CPED1: variants seen among roughly 807,000 people sequenced by gnomAD.
CPED1 encodes cadherin like and PC-esterase domain containing 1, also known as cadherin-like and PC-esterase domain-containing protein 1.
In CPED1, 114 loss-of-function variants were observed where a neutral mutation model predicts 128.2. The observed-to-expected ratio is 0.89, with a 90% CI of 0.76 to 1.04. The LOEUF (loss-of-function observed/expected upper bound fraction) is 1.04. Among genes scored for constraint, CPED1 ranks in the 50% least tolerant of loss-of-function variants. The pLI is 0.00. For missense variants in CPED1, 1,211 were observed against 1,207.1 expected, an observed-to-expected ratio of 1.00 and a Z score of -0.05; for synonymous variants, 462 against 426.7, an observed-to-expected ratio of 1.08 and a Z score of -1.02.
chr7:121,013,093 C>T (rs1170200949), intron 2 of CPED1, among the ~76,000 whole-genome samples: 2 of 152,138 alleles, frequency 1.3e-5, no homozygotes, highest in Non-Finnish European at 2.9e-5. Context: ...GCTTGAGTGA[C>T]ACCGATATAT....
chr7:121,045,937 G>A (rs188382575), intron 3 of CPED1, among the ~76,000 whole-genome samples: 4 of 152,134 alleles, frequency 2.6e-5, no homozygotes, highest in Admixed American at 1.3e-4. Flanking sequence ...ATGAGGTAAT[G>A]TGTTTACCAT....
At chr7:121,066,262 A>C (rs1043102045) in intron 5 of CPED1, among the ~76,000 whole-genome samples, 8 of 152,102 alleles carry the variant, frequency 5.3e-5, no homozygotes, top group Non-Finnish European at 1.2e-4. Flanking sequence ...ACAAATTTTG[A>C]AACCAGTGAT....
chr7:121,125,901 G>A lies in CPED1; in HGVS notation c.1134+9G>A, dbSNP rs771399942. 62 of 1,575,546 alleles carry A rather than the reference G, an allele frequency of 3.9e-5. No homozygotes were observed. The highest frequency in any genetic ancestry group is 4.9e-5 in the Non-Finnish European group (56 of 1,145,256). Reference sequence around the variant, plus strand: ...ACCCTGTAGTGCTCCAGGTCAGTATGCCAAAGGCCTCATGTGAGCTTCTAC... The same window carrying A: ...ACCCTGTAGTGCTCCAGGTCAGTATACCAAAGGCCTCATGTGAGCTTCTAC... On this transcript the variant is annotated intron_variant, in intron 9 of 22. Coordinates refer to ENST00000310396, the MANE Select transcript of CPED1 (RefSeq NM_024913.5).
chr7:121,152,598 G>T (rs934039574), intron 16 of CPED1, among the ~76,000 whole-genome samples: 1 of 152,198 alleles, frequency 6.6e-6, no homozygotes, highest in Middle Eastern at 3.2e-3. Flanking sequence ...AGTTAATATT[G>T]TGAAGATCTT....
At chr7:121,027,008 T>A (rs573554242) in intron 3 of CPED1, among the ~76,000 whole-genome samples, 286 of 147,802 alleles carry the variant, frequency 1.9e-3, no homozygotes, top group African/African-American at 6.3e-3. Flanking sequence ...TTTTCTTATT[T>A]TTTTTTTTTT....
At position 121,199,231 on chromosome 7, in the gene CPED1, G is replaced by T. The variant is rs545814549; in HGVS notation, c.2056-37483G>T. 6.0e-4 allele frequency among the ~76,000 whole-genome samples: 91 copies of T among 152,176 alleles called. 1 individual carries two copies. The highest frequency in any genetic ancestry group is 2.1e-3 in the African/African-American group (86 of 41,540). On this transcript the variant is annotated intron_variant, in intron 16 of 22. Coordinates refer to ENST00000310396, the MANE Select transcript of CPED1 (RefSeq NM_024913.5). ...AGGCTGAAGTAGTGAATGGACAGTA[G>T]GGACAGTCCACACATGGGGTATAAT...
At chr7:121,070,295 C>G (rs1256231129) in intron 5 of CPED1, among the ~76,000 whole-genome samples, 1 of 151,692 alleles carries the variant, frequency 6.6e-6, no homozygotes, top group Non-Finnish European at 1.5e-5. Flanking sequence ...GTCTAATATT[C>G]TAAGCAAACT....
intron 12 of CPED1, 74 bp downstream of exon 12, chr7:121,130,368 C>A: frequency 1.5e-6 from 2 of 1,318,732 alleles, no homozygotes; most frequent in Non-Finnish European, 2.0e-6. Flanking sequence ...AAAGGCTTTG[C>A]CTATGTTAAA....
intron 3 of CPED1, among the ~76,000 whole-genome samples, chr7:121,029,226 A>C (rs931872924): frequency 8.1e-4 from 123 of 152,276 alleles, no homozygotes; most frequent in African/African-American, 2.8e-3. Flanking sequence ...TCTGAAATTA[A>C]AGTTATTGGA....
chr7:121,051,370 CTTTT>C (rs35482486), intron 4 of CPED1: 1 of 359,740 alleles, frequency 2.8e-6, no homozygotes, highest in Non-Finnish European at 5.2e-6. Context: ...ATGTAAATGC[CTTTT>C]TTTTTTTTAG....
At position 121,266,799 on chromosome 7, in the gene CPED1, T is replaced by C; in HGVS notation, c.2624T>C (p.Val875Ala). ...NSNHLQIIHK[V>A]LKRENLLNIL... Reference sequence around the variant, plus strand: ...AATCACCTGCAAATTATTCACAAAGTTTTGAAGAGGTAAATGTCTGCAACA... The same window carrying C: ...AATCACCTGCAAATTATTCACAAAGCTTTGAAGAGGTAAATGTCTGCAACA... The change falls in exon 20 of 23, where the codon GTT (valine) becomes GCT (alanine). Residue 875 changes from valine to alanine, a missense_variant. Transcript: ENST00000310396. 6.2e-7 allele frequency: 1 copy of C among 1,609,838 alleles called. No homozygotes were observed. The highest frequency in any genetic ancestry group is 1.3e-5 in the African/African-American group (1 of 74,888).
At chr7:121,180,155 A>G (rs1018833151) in intron 16 of CPED1, among the ~76,000 whole-genome samples, 1 of 152,020 alleles carries the variant, frequency 6.6e-6, no homozygotes, top group Non-Finnish European at 1.5e-5. Flanking sequence ...TTTCTTCCTG[A>G]CAAATTCCCA....
At chr7:121,192,085 A>T (rs1373312863) in intron 16 of CPED1, among the ~76,000 whole-genome samples, 1 of 152,132 alleles carries the variant, frequency 6.6e-6, no homozygotes, top group African/African-American at 2.4e-5. Flanking sequence ...AAATCTGTGA[A>T]GCTTTGCCAT....
chr7:121,170,907 G>A (rs1232508643), intron 16 of CPED1, among the ~76,000 whole-genome samples: 2 of 151,650 alleles, frequency 1.3e-5, no homozygotes, highest in South Asian at 2.1e-4. Context: ...AAAAATTAGC[G>A]GGTGTGGTGG....
chr7:121,069,248 G>T (rs1393467225), intron 5 of CPED1, among the ~76,000 whole-genome samples: 1 of 152,074 alleles, frequency 6.6e-6, no homozygotes, highest in Non-Finnish European at 1.5e-5. Flanking sequence ...TAACTCTGAG[G>T]CTTAGTTATC....
chr7:121,288,643 A>T (rs1461034020), intron 22 of CPED1, among the ~76,000 whole-genome samples: 2 of 152,226 alleles, frequency 1.3e-5, no homozygotes, highest in Non-Finnish European at 2.9e-5. Context: ...CTACACCAGC[A>T]TTATCCAATG....
At chr7:121,002,854 A>G (rs1402723896) in intron 2 of CPED1, among the ~76,000 whole-genome samples, 2 of 152,204 alleles carry the variant, frequency 1.3e-5, no homozygotes, top group Admixed American at 1.3e-4. Flanking sequence ...TGGGATATAA[A>G]TAGGAGTATG....
chr7:121,267,615 G>A (rs76272871), intron 21 of CPED1, among the ~76,000 whole-genome samples: 9,069 of 152,076 alleles, frequency 0.06, 376 homozygotes, highest in Non-Finnish European at 0.075. Context: ...AGTCTTTGAA[G>A]TAGTATCATT....
At chr7:121,259,286 C>T (rs1268804665) in intron 18 of CPED1, among the ~76,000 whole-genome samples, 2 of 151,996 alleles carry the variant, frequency 1.3e-5, no homozygotes, top group African/African-American at 4.8e-5. Context: ...CAGGATCATA[C>T]TTCATATACC....
Sources: gnomAD v4.1 joint callset for allele counts (sites outside exome capture counted in the v4.1 genomes callset) on GRCh38, gnomAD v4.1.1 for gene constraint, MANE v1.5 for transcripts, NCBI Gene and HGNC (gene_info 2026-07-23, HGNC 2026-07-21) for gene names.